Variants in AGL observed in about 807,000 individuals in gnomAD.
AGL encodes amylo-alpha-1,6-glucosidase and 4-alpha-glucanotransferase.
AGL carries 128 observed loss-of-function variants against 199.3 expected under a neutral mutation model. That is an observed-to-expected ratio of 0.64 (90% CI 0.56 to 0.74). AGL has a LOEUF of 0.74. AGL is among the 30% of genes least tolerant of loss of function. AGL has a pLI of 0.00. For synonymous variants in AGL, 584 were observed against 594.7 expected (o/e 0.98, Z 0.26); for missense variants, 1,809 against 1,820.8 (o/e 0.99, Z 0.12).
intron 12 of AGL, among the ~76,000 whole-genome samples, chr1:99,879,584 CAATA>C (rs199927371): frequency 2.1e-4 from 32 of 151,038 alleles, no homozygotes; most frequent in South Asian, 8.4e-4. Context: ...AACTTGGTCT[CAATA>C]AATAAATAAA....
intron 28 of AGL, 21 bp downstream of exon 28, chr1:99,910,868 C>G: frequency 6.2e-7 from 1 of 1,606,284 alleles, no homozygotes; most frequent in Non-Finnish European, 8.5e-7. Context: ...TGTTATAATG[C>G]TGTGTAATTA....
intron 29 of AGL, among the ~76,000 whole-genome samples, chr1:99,912,768 A>T (rs569768933): frequency 6.6e-6 from 1 of 152,334 alleles, no homozygotes; most frequent in African/African-American, 2.4e-5. Flanking sequence ...CCTCACTGTG[A>T]CTGAGCAAGT....
At chr1:99,907,680 G>GTTTTTTTTTTTTTTT (rs1553191673) in intron 27 of AGL, among the ~76,000 whole-genome samples, 2 of 46,988 alleles carry the variant, frequency 4.3e-5, no homozygotes, top group African/African-American at 1.3e-4. Flanking sequence ...TTGTTCGTTT[G>GTTTTTTTTTTTTTTT]TTTTTGTTTT....
At position 99,860,041 on chromosome 1, in the gene AGL, A is replaced by G. The variant is rs12729314; in HGVS notation, c.83-1462A>G. 6.0e-3 allele frequency among the ~76,000 whole-genome samples: 911 copies of G among 152,286 alleles called. 6 individuals are homozygous for G. The highest frequency in any genetic ancestry group is 9.6e-3 in the Non-Finnish European group (653 of 68,014). ...CTGATACTTTTCTCAAAAAATCTATATAAAATTCCTAGATCAAAAAATATA... is the reference window on the plus strand; with the variant it reads ...CTGATACTTTTCTCAAAAAATCTATGTAAAATTCCTAGATCAAAAAATATA... On this transcript the variant is annotated intron_variant, in intron 2 of 33. Coordinates refer to ENST00000361915, the MANE Select transcript of AGL (RefSeq NM_000642.3).
At chr1:99,889,078 A>G (rs17121546) in intron 21 of AGL, among the ~76,000 whole-genome samples, 3,194 of 121,358 alleles carry the variant, frequency 0.026, 53 homozygotes, top group South Asian at 0.093. Flanking sequence ...TAAATGCTCT[A>G]TGGCTTACTT....
intron 11 of AGL, 135 bp from the exon 12 acceptor site, chr1:99,877,506 C>A: frequency 4.0e-6 from 3 of 742,272 alleles, no homozygotes; most frequent in South Asian, 1.7e-5. Flanking sequence ...TATCTCATAC[C>A]ACTTTAGATA....
chr1:99,907,594 CTA>C (rs762339069), intron 27 of AGL, among the ~76,000 whole-genome samples: 14 of 151,702 alleles, frequency 9.2e-5, no homozygotes, highest in Non-Finnish European at 1.9e-4. Flanking sequence ...TTCCATTCAT[CTA>C]TATCCTCACC....
intron 25 of AGL, among the ~76,000 whole-genome samples, chr1:99,899,558 TTCCCTCCC>T (rs1195469948): frequency 3.0e-5 from 4 of 134,526 alleles, no homozygotes; most frequent in East Asian, 4.4e-4. Flanking sequence ...CTCTCTCTCT[TTCCCTCCC>T]TCCCTCCCTC....
intron 33 of AGL, among the ~76,000 whole-genome samples, chr1:99,917,891 G>A (rs1655249861): frequency 6.6e-6 from 1 of 151,880 alleles, no homozygotes; most frequent in Admixed American, 6.6e-5. Context: ...ACACTACATG[G>A]TTACTACATT....
At chr1:99,893,327 A>ACT (rs1653051321) in intron 24 of AGL, among the ~76,000 whole-genome samples, 2 of 152,250 alleles carry the variant, frequency 1.3e-5, no homozygotes, top group Non-Finnish European at 2.9e-5. Context: ...AAAAAGACTT[A>ACT]GTGATACCCA....
At position 99,875,469 on chromosome 1, in the gene AGL, G is replaced by GT. The variant is rs775216906; in HGVS notation, c.1283+22dup. 44 of 1,610,136 alleles carry GT rather than the reference G, an allele frequency of 2.7e-5. 1 individual carries two copies. In the Middle Eastern group the frequency reaches 1.3e-3, roughly 48 times the overall value. On this transcript the variant is annotated intron_variant, in intron 10 of 33. Transcript: ENST00000361915. ...TTTAGTTACCAGGTGTTGCATTTTT[G>GT]TTTTTTTTCTTATTGATGGTTGAAA...
chr1:99,901,244 G>A (rs111939292), intron 26 of AGL, among the ~76,000 whole-genome samples: 9 of 151,934 alleles, frequency 5.9e-5, no homozygotes, highest in African/African-American at 2.2e-4. Flanking sequence ...AAGTTGTTGG[G>A]AGACATTAGA....
intron 27 of AGL, among the ~76,000 whole-genome samples, chr1:99,905,372 T>TTTGTTG (rs150259594): frequency 0.015 from 2,288 of 151,004 alleles, 36 homozygotes; most frequent in African/African-American, 0.042. Context: ...ATTTTTTGTA[T>TTTGTTG]TTGTTGTTGT....
In AGL at chr1:99,900,585, A is replaced by G. The variant is rs572231; in HGVS notation, c.3363-51A>G. ...CAAAAGTGACTGGTTTTTGTCTTCA[A>G]TTTTTAAGTGTTTGTTTTCATTTCT... On this transcript the variant is annotated intron_variant, in intron 25 of 33. Transcript: ENST00000361915. 21,756 of 1,552,030 alleles carry G rather than the reference A, an allele frequency of 0.014. 208 individuals are homozygous for G. Among genetic ancestry groups the G allele is most frequent in the Middle Eastern group, 0.048 (284 of 5,952 alleles).
intron 13 of AGL, 130 bp from the exon 14 acceptor site, chr1:99,880,502 C>T (rs1651922844): frequency 1.8e-6 from 2 of 1,122,020 alleles, no homozygotes; most frequent in Non-Finnish European, 2.6e-6. Flanking sequence ...TTGTTTAAAT[C>T]CTTAAAGCAG....
intron 33 of AGL, among the ~76,000 whole-genome samples, chr1:99,921,323 G>A (rs1488650908): frequency 6.6e-6 from 1 of 152,072 alleles, no homozygotes; most frequent in African/African-American, 2.4e-5. Context: ...GGGATTCCTT[G>A]TATTTAAAAG....
At chr1:99,892,080 T>G (rs1187740051) in intron 23 of AGL, among the ~76,000 whole-genome samples, 2 of 152,112 alleles carry the variant, frequency 1.3e-5, no homozygotes, top group Non-Finnish European at 2.9e-5. Flanking sequence ...GAGAAAAAAT[T>G]CCACTATTAC....
At chr1:99,859,672 G>A (rs994584662) in intron 2 of AGL, among the ~76,000 whole-genome samples, 6 of 152,072 alleles carry the variant, frequency 3.9e-5, no homozygotes, top group Admixed American at 3.3e-4. Context: ...AGCCTCCTGA[G>A]TAGTTGGGAT....
At chr1:99,849,977 C>G (rs1289068090), upstream of AGL, 2 of 152,354 alleles carry the variant, frequency 1.3e-5, no homozygotes, top group East Asian at 1.9e-4. Context: ...GCGCCGCTCC[C>G]GGCCTCAGCC....
Sources: allele counts gnomAD v4.1 joint callset (sites outside exome capture counted in the v4.1 genomes callset), GRCh38; gene constraint gnomAD v4.1.1; transcripts MANE v1.5; gene names NCBI Gene and HGNC (gene_info 2026-07-23, HGNC 2026-07-21).